RTL4: variants seen among roughly 807,000 people sequenced by gnomAD.
RTL4 encodes the protein retrotransposon Gag-like protein 4.
In RTL4, 4 loss-of-function variants were observed where a neutral mutation model predicts 5.3. That is an observed-to-expected ratio of 0.75 (90% CI 0.37 to 1.72). RTL4 has a LOEUF of 1.72. Ranked by LOEUF, RTL4 falls within the 40% of genes most tolerant of loss-of-function variation. The pLI, the probability that RTL4 is intolerant of heterozygous loss-of-function variation, is 0.04. For missense variants in RTL4, 260 were observed against 227.1 expected (o/e 1.14, Z -0.93); for synonymous variants, 98 against 87.3 (o/e 1.12, Z -0.68).
the RTL4 span, among the ~76,000 whole-genome samples, chrX:112,420,211 G>C: frequency 1.8e-5 from 2 of 111,635 alleles, no homozygotes; most frequent in African/African-American, 6.5e-5. Context: ...TTAGTAGGTT[G>C]CACTAATGAA....
At chrX:112,444,022 A>T in the RTL4 span, among the ~76,000 whole-genome samples, 1 of 111,612 alleles carries the variant, frequency 9.0e-6, no homozygotes, top group Non-Finnish European at 1.9e-5. Context: ...TGCCCAGTCC[A>T]ATGTCCTAAA....
the RTL4 span, among the ~76,000 whole-genome samples, chrX:112,390,155 ATATATT>A: frequency 4.2e-4 from 22 of 52,872 alleles, no homozygotes; most frequent in South Asian, 1.1e-3. Flanking sequence ...ATATATATAT[ATATATT>A]TAGGATCGTG....
At chrX:112,243,458 T>C in the RTL4 span, among the ~76,000 whole-genome samples, 5 of 111,845 alleles carry the variant, frequency 4.5e-5, no homozygotes, top group Admixed American at 9.5e-5. Context: ...TATTAATTTC[T>C]TCTAGATTTT....
At chrX:112,331,961 G>T in the RTL4 span, among the ~76,000 whole-genome samples, 1 of 92,297 alleles carries the variant, frequency 1.1e-5, no homozygotes, top group Non-Finnish European at 2.1e-5. Flanking sequence ...TGAACAATGA[G>T]AACACATGGA....
the RTL4 span, among the ~76,000 whole-genome samples, chrX:112,244,814 T>G: frequency 8.9e-6 from 1 of 111,809 alleles, no homozygotes; most frequent in Non-Finnish European, 1.9e-5. Context: ...ATTTGGCCTG[T>G]TTTTGCAGTG....
the RTL4 span, chrX:112,381,825 A>C: frequency 8.3e-7 from 1 of 1,209,025 alleles, no homozygotes. Context: ...GTACAGGCTC[A>C]GCTCCTCCAG....
the RTL4 span, among the ~76,000 whole-genome samples, chrX:112,446,336 C>G: frequency 1.8e-5 from 2 of 111,405 alleles, no homozygotes; most frequent in African/African-American, 3.3e-5. Flanking sequence ...ACTAAATGAC[C>G]CATTCATCCA....
At chrX:112,287,786 T>C in the RTL4 span, among the ~76,000 whole-genome samples, 4 of 111,780 alleles carry the variant, frequency 3.6e-5, no homozygotes, top group African/African-American at 1.3e-4. Flanking sequence ...GATTTTATTA[T>C]GGAAAACACC....
the RTL4 span, among the ~76,000 whole-genome samples, chrX:112,165,209 A>G: frequency 8.9e-6 from 1 of 112,374 alleles, no homozygotes; most frequent in African/African-American, 3.2e-5. Context: ...GCATATTTCC[A>G]TCCTTCTAAG....
At chrX:112,215,205 G>T in the RTL4 span, among the ~76,000 whole-genome samples, 1 of 111,705 alleles carries the variant, frequency 9.0e-6, no homozygotes, top group South Asian at 3.8e-4. Context: ...AATGTTTAGT[G>T]ATCAAATCAG....
the RTL4 span, among the ~76,000 whole-genome samples, chrX:112,128,417 A>C: frequency 9.0e-6 from 1 of 111,341 alleles, no homozygotes; most frequent in Non-Finnish European, 1.9e-5. Context: ...TAATCCTGGC[A>C]CTTTGGGAGG....
the RTL4 span, among the ~76,000 whole-genome samples, chrX:112,176,032 C>G: frequency 9.0e-6 from 1 of 110,679 alleles, no homozygotes; most frequent in East Asian, 2.8e-4. Flanking sequence ...TCAGCAAAGT[C>G]TCAGGATACA....
At chrX:112,397,988 C>T in the RTL4 span, among the ~76,000 whole-genome samples, 1 of 111,403 alleles carries the variant, frequency 9.0e-6, no homozygotes, top group Non-Finnish European at 1.9e-5. Flanking sequence ...CTTTTCTTGC[C>T]TTATCAAATT....
chrX:112,430,566 G>C, the RTL4 span, among the ~76,000 whole-genome samples: 1 of 111,307 alleles, frequency 9.0e-6, no homozygotes. Flanking sequence ...ATGCTTGTCT[G>C]TTTTCTTCAC....
At chrX:112,449,268 T>C in the RTL4 span, among the ~76,000 whole-genome samples, 1 of 111,238 alleles carries the variant, frequency 9.0e-6, no homozygotes, top group Non-Finnish European at 1.9e-5. Flanking sequence ...TTCAGCTCAA[T>C]TGCTACCCTC....
rs7066708 is a variant in RTL4 at position 112,454,726 on chromosome X, A to G, written c.-3A>G. The G allele has an allele frequency of 0.016, 18,817 of 1,174,680 alleles. 978 individuals are homozygous for G. The African/African-American group carries it at 0.2, about 13-fold the overall frequency. On this transcript the variant is annotated 5_prime_UTR_variant, in exon 1 of 1. Transcript: ENST00000340433. ...TCAATCCCACCTGATTCCAGGAGAC[A>G]TAATGGAGAAGTGCACGAAATCATC...
the RTL4 span, among the ~76,000 whole-genome samples, chrX:112,170,708 C>A: frequency 9.0e-6 from 1 of 111,447 alleles, no homozygotes; most frequent in Non-Finnish European, 1.9e-5. Context: ...ACAGCTTGAC[C>A]TCCTCTCTTG....
At chrX:112,146,477 T>C in the RTL4 span, among the ~76,000 whole-genome samples, 14 of 111,447 alleles carry the variant, frequency 1.3e-4, 1 homozygote, top group South Asian at 4.2e-3. Flanking sequence ...AATACATTTA[T>C]GATTTTTGAA....
chrX:112,155,307 A>G, the RTL4 span, among the ~76,000 whole-genome samples: 4 of 110,238 alleles, frequency 3.6e-5, no homozygotes, highest in Admixed American at 9.8e-5. Flanking sequence ...AAATTTTTTG[A>G]TCAGCTTCTT....
Sources: gnomAD v4.1 joint callset for allele counts (sites outside exome capture counted in the v4.1 genomes callset) on GRCh38, gnomAD v4.1.1 for gene constraint, MANE v1.5 for transcripts, NCBI Gene and HGNC (gene_info 2026-07-23, HGNC 2026-07-21) for gene names.